SLIT3: variants seen among roughly 807,000 people sequenced by gnomAD.
SLIT3 encodes the protein slit guidance ligand 3.
A neutral mutation model predicts 184.0 loss-of-function variants in SLIT3; 68 were observed. That is an observed-to-expected ratio of 0.37 (90% CI 0.30 to 0.45). SLIT3 has a LOEUF of 0.45. SLIT3 is among the 20% of genes least tolerant of loss of function. The pLI, the probability that SLIT3 is intolerant of heterozygous loss-of-function variation, is 1.00. For missense variants in SLIT3, 1,707 were observed against 2,026.0 expected (o/e 0.84, Z 3.02); for synonymous variants, 831 against 828.6 (o/e 1.00, Z -0.05).
Position 168,777,930 on chromosome 5 carries a change from A to T in SLIT3, c.1152-3552T>A, listed in dbSNP as rs181665579. On this transcript the variant is annotated intron_variant, in intron 12 of 35. Coordinates refer to ENST00000519560, the MANE Select transcript of SLIT3 (RefSeq NM_003062.4). Reference sequence around the variant, plus strand: ...TATCTGGTACATGGACAAGAGTTGGAGGGGAATTTTAAAAGCACCATATTA... The same window carrying T: ...TATCTGGTACATGGACAAGAGTTGGTGGGGAATTTTAAAAGCACCATATTA... 2.3e-3 allele frequency among the ~76,000 whole-genome samples: 357 copies of T among 152,326 alleles called. 3 individuals carry two copies. Among genetic ancestry groups the T allele is most frequent in the African/African-American group, 8.4e-3 (348 of 41,580 alleles).
intron 20 of SLIT3, among the ~76,000 whole-genome samples, chr5:168,741,236 C>T (rs530143586): frequency 6.6e-4 from 101 of 152,116 alleles, no homozygotes; most frequent in South Asian, 2.9e-3. Context: ...TTTGGGAGGC[C>T]GAGGCGGGCG....
chr5:169,164,080 G>C (rs111563661), intron 4 of SLIT3, among the ~76,000 whole-genome samples: 2 of 152,150 alleles, frequency 1.3e-5, no homozygotes, highest in Non-Finnish European at 2.9e-5. Context: ...AAGGATGTTC[G>C]CAAATCAACA....
At chr5:169,233,494 T>G (rs1765084000) in intron 3 of SLIT3, among the ~76,000 whole-genome samples, 2 of 152,014 alleles carry the variant, frequency 1.3e-5, no homozygotes, top group South Asian at 4.1e-4. Context: ...ATAGCTAACG[T>G]GTGCTGGGCT....
intron 20 of SLIT3, among the ~76,000 whole-genome samples, chr5:168,743,242 C>G (rs991415648): frequency 6.6e-6 from 1 of 151,920 alleles, no homozygotes; most frequent in Non-Finnish European, 1.5e-5. Context: ...GTAGATATTG[C>G]GTTTTTTAAA....
chr5:168,805,195 T>A (rs1050464912), intron 9 of SLIT3, among the ~76,000 whole-genome samples: 1 of 152,038 alleles, frequency 6.6e-6, no homozygotes, highest in South Asian at 2.1e-4. Context: ...CACAGAACAA[T>A]GACAGGAAAA....
intron 4 of SLIT3, among the ~76,000 whole-genome samples, chr5:169,005,788 T>C (rs1313173574): frequency 6.6e-6 from 1 of 152,218 alleles, no homozygotes; most frequent in African/African-American, 2.4e-5. Context: ...GGTGAGTACT[T>C]GTGCCTTTGG....
chr5:169,139,173 G>A (rs987613700), intron 4 of SLIT3, among the ~76,000 whole-genome samples: 3 of 152,206 alleles, frequency 2.0e-5, no homozygotes, highest in African/African-American at 7.2e-5. Context: ...TTTTCTCAAA[G>A]CCCTAAAGTT....
At chr5:169,210,959 G>A (rs1764246298) in intron 3 of SLIT3, among the ~76,000 whole-genome samples, 1 of 152,174 alleles carries the variant, frequency 6.6e-6, no homozygotes, top group African/African-American at 2.4e-5. Context: ...AGGTTGGTGT[G>A]AGTGTGATGT....
chr5:168,867,746 C>T (rs548484992), intron 5 of SLIT3, among the ~76,000 whole-genome samples: 45 of 152,298 alleles, frequency 3.0e-4, no homozygotes, highest in Middle Eastern at 3.4e-3. Flanking sequence ...CGATTAGAGT[C>T]GCTTTTTCAA....
chr5:168,884,462 T>C (rs1397246447), intron 4 of SLIT3, among the ~76,000 whole-genome samples: 1 of 141,280 alleles, frequency 7.1e-6, no homozygotes, highest in East Asian at 2.1e-4. Flanking sequence ...TACATACACA[T>C]TATTTTTTAA....
chr5:169,034,505 A>T (rs187399907), intron 4 of SLIT3, among the ~76,000 whole-genome samples: 50 of 152,324 alleles, frequency 3.3e-4, no homozygotes, highest in Non-Finnish European at 4.1e-4. Context: ...TATTGAACAG[A>T]CTATCCTTTT....
At chr5:169,225,151 T>C (rs978167399) in intron 3 of SLIT3, among the ~76,000 whole-genome samples, 23 of 152,292 alleles carry the variant, frequency 1.5e-4, no homozygotes, top group Middle Eastern at 3.4e-3. Context: ...ATGTGACAAG[T>C]CTTGTATGAC....
At chr5:169,273,951 A>G (rs1456339500) in intron 1 of SLIT3, among the ~76,000 whole-genome samples, 1 of 152,220 alleles carries the variant, frequency 6.6e-6, no homozygotes, top group African/African-American at 2.4e-5. Context: ...ATAATCCAAA[A>G]TAACAATCAA....
At chr5:169,206,941 A>G (rs1182589062) in intron 3 of SLIT3, among the ~76,000 whole-genome samples, 1 of 151,882 alleles carries the variant, frequency 6.6e-6, no homozygotes, top group Non-Finnish European at 1.5e-5. Context: ...AGATACCTGG[A>G]TAATATGAGA....
intron 5 of SLIT3, among the ~76,000 whole-genome samples, chr5:168,845,278 A>G (rs1349034575): frequency 6.6e-6 from 1 of 152,156 alleles, no homozygotes; most frequent in Non-Finnish European, 1.5e-5. Flanking sequence ...GCCTCTGTGC[A>G]TTGTTACGGG....
At chr5:168,985,666 G>A (rs548910609) in intron 4 of SLIT3, among the ~76,000 whole-genome samples, 15 of 152,300 alleles carry the variant, frequency 9.8e-5, no homozygotes, top group African/African-American at 3.1e-4. Flanking sequence ...TGACCATGCT[G>A]TAGCCAATGG....
intron 4 of SLIT3, among the ~76,000 whole-genome samples, chr5:168,966,893 C>A (rs1040670533): frequency 2.0e-5 from 3 of 152,164 alleles, no homozygotes; most frequent in African/African-American, 7.2e-5. Context: ...TTCAGTTGAG[C>A]AATTTGGCAA....
chr5:168,797,504 G>T (rs1254602638), intron 9 of SLIT3, among the ~76,000 whole-genome samples: 2 of 152,206 alleles, frequency 1.3e-5, no homozygotes, highest in Non-Finnish European at 2.9e-5. Flanking sequence ...CTGGGTGTGA[G>T]GTCTGTGGGC....
chr5:169,177,216 GC>G (rs2113432468), intron 4 of SLIT3, among the ~76,000 whole-genome samples: 1 of 152,268 alleles, frequency 6.6e-6, no homozygotes, highest in East Asian at 1.9e-4. Context: ...CAATCAGACG[GC>G]CAGGAGCCAG....
Sources: gnomAD v4.1 joint callset for allele counts (sites outside exome capture counted in the v4.1 genomes callset) on GRCh38, gnomAD v4.1.1 for gene constraint, MANE v1.5 for transcripts, NCBI Gene and HGNC (gene_info 2026-07-23, HGNC 2026-07-21) for gene names.